ALDOC: variants seen among roughly 807,000 people sequenced by gnomAD.
ALDOC encodes fructose-bisphosphate aldolase C.
In ALDOC, 23 loss-of-function variants were observed where a neutral mutation model predicts 39.5. The observed-to-expected ratio is 0.58, with a 90% CI of 0.42 to 0.82. The LOEUF is 0.82. Ranked by LOEUF, ALDOC falls within the 40% of genes least tolerant of loss-of-function variation. The probability of loss-of-function intolerance (pLI) is 0.00; values close to 1 mark genes in which losing one functional copy is unlikely to be tolerated. For missense variants in ALDOC, 356 were observed against 479.1 expected (o/e 0.74, Z 2.40); for synonymous variants, 160 against 182.6 (o/e 0.88, Z 1.00).
At chr17:28,576,090 G>C (rs2070486404) in intron 1 of ALDOC, 1 of 780,830 alleles carries the variant, frequency 1.3e-6, no homozygotes, top group South Asian at 5.5e-5. Flanking sequence ...GGCTCCTGCA[G>C]CTTCTCCTTT....
Position 28,575,217 on chromosome 17 carries a change from A to T in ALDOC, c.230T>A (p.Val77Asp), listed in dbSNP as rs2070473191. 6.2e-7 allele frequency: 1 copy of T among 1,614,072 alleles called. No individual in the cohort carries two copies. The highest frequency in any genetic ancestry group is 8.5e-7 in the Non-Finnish European group (1 of 1,180,026). Reference protein sequence around the residue: ...DDRVKKCIGGVIFFHETLYQK... With the variant: ...DDRVKKCIGGDIFFHETLYQK... ...GTAGAGGGTCTCATGGAAGAAAATG[A>T]CGCCTCCAATGCACTTTTTCACACG... is the stretch of plus-strand genomic sequence containing the variant. The change falls in exon 3 of 9, where the codon GTC (valine) becomes GAC (aspartate). Residue 77 changes from valine to aspartate, a missense_variant. By Grantham distance (152) the Val-to-Asp change is radical. Coordinates refer to ENST00000226253, the MANE Select transcript of ALDOC (RefSeq NM_005165.3). The surrounding 1 kb of genome is among the most constrained non-coding windows in gnomAD (Gnocchi z 4.3).
Position 28,573,789 on chromosome 17 carries a change from T to C in ALDOC, c.945A>G (p.Arg315=). The part of the protein sequence containing the change: ...ALQASALNAW[R]GQRDNAGAAT... ...CAGCCCCAGCATTGTCCCGTTGCCCTCGCCAGGCATTGAGTGCAGAGGCTT... is the reference window on the plus strand; with the variant it reads ...CAGCCCCAGCATTGTCCCGTTGCCCCCGCCAGGCATTGAGTGCAGAGGCTT... The change falls in exon 8 of 9, where the codon CGA becomes CGG. Residue 315 remains arginine (R), a synonymous_variant. Transcript: ENST00000226253. The surrounding 1 kb of genome is among the most constrained non-coding windows in gnomAD (Gnocchi z 4.3). 6.2e-7 allele frequency: 1 copy of C among 1,614,166 alleles called. No homozygotes were observed. Among genetic ancestry groups the C allele is most frequent in the South Asian group, 1.1e-5 (1 of 91,090 alleles).
chr17:28,574,306 C>T, intron 6 of ALDOC, 65 bp from the exon 7 acceptor site: 2 of 1,522,622 alleles, frequency 1.3e-6, no homozygotes, highest in South Asian at 1.2e-5. Context: ...CTCGATGCTC[C>T]CTATGTAGGG....
chr17:28,573,447 G>A lies in ALDOC; in HGVS notation c.*79C>T. ...GGTGAAGGCATCTCTGCTCTGCATA[G>A]CTATTTGGCCCTGGCCATGACTACA... On this transcript the variant is annotated 3_prime_UTR_variant, in exon 9 of 9. Transcript: ENST00000226253. The surrounding 1 kb of genome is among the most constrained non-coding windows in gnomAD (Gnocchi z 4.3). 7.7e-7 allele frequency: 1 copy of A among 1,291,674 alleles called. No homozygotes were observed. Among genetic ancestry groups the A allele is most frequent in the Non-Finnish European group, 1.1e-6 (1 of 886,922 alleles). 80.0% of individuals were successfully genotyped at this position (1,291,674 alleles called of 1,614,324 possible).
Position 28,573,972 on chromosome 17 carries a change from C to T in ALDOC, c.800-38G>A. 6.2e-7 allele frequency: 1 copy of T among 1,612,850 alleles called. No individual in the cohort carries two copies. Among genetic ancestry groups the T allele is most frequent in the Non-Finnish European group, 8.5e-7 (1 of 1,179,134 alleles). ...AGAGAAGACAAACTGACTGGTCACTCCCAATTTTTCCAGGATAGGGAACCC... is the reference window on the plus strand; with the variant it reads ...AGAGAAGACAAACTGACTGGTCACTTCCAATTTTTCCAGGATAGGGAACCC... On this transcript the variant is annotated intron_variant, in intron 7 of 8. Transcript: ENST00000226253. The surrounding 1 kb of genome is among the most constrained non-coding windows in gnomAD (Gnocchi z 4.3).
At position 28,575,058 on chromosome 17, in the gene ALDOC, T is replaced by C. The variant is rs2070470455; in HGVS notation, c.325-52A>G. The stretch of plus-strand genomic sequence containing the variant: ...TGAATCCAGGCAGGATTCTCCTTGC[T>C]ACCCCTCCTACACAAGCTTATTTTC... On this transcript the variant is annotated intron_variant, in intron 3 of 8. Coordinates refer to ENST00000226253, the MANE Select transcript of ALDOC (RefSeq NM_005165.3). This position sits in a 1 kb window ranked among gnomAD's most constrained non-coding sequence, Gnocchi z 4.3. The C allele has an allele frequency of 6.2e-7, 1 of 1,614,122 alleles. No homozygotes were observed. Among genetic ancestry groups the C allele is most frequent in the Admixed American group, 1.7e-5 (1 of 60,032 alleles).
chr17:28,573,574 A>T lies in ALDOC; in HGVS notation c.1047T>A (p.Asp349Glu). ...AGAGTGACTGTGCTGCTGCTCCACC[A>T]TCTTCTCCACTGCCTTCATACTTGC... is the stretch of plus-strand genomic sequence containing the variant. ...AQGKYEGSGE[D>E]GGAAAQSLYI... Residue 349 changes from aspartate to glutamate, a missense_variant, in exon 9 of 9, where the codon GAT (aspartate) becomes GAA (glutamate). By Grantham distance (45) the Asp-to-Glu change is conservative. Transcript: ENST00000226253. The surrounding 1 kb of genome is among the most constrained non-coding windows in gnomAD (Gnocchi z 4.3). The T allele has an allele frequency of 6.2e-7, 1 of 1,614,244 alleles. No individual in the cohort carries two copies. The highest frequency in any genetic ancestry group is 8.5e-7 in the Non-Finnish European group (1 of 1,180,036).
Position 28,573,796 on chromosome 17 carries a change from G to T in ALDOC, c.938C>A (p.Ala313Asp). ...GRALQASALN[A>D]WRGQRDNAGA... ...AGCATTGTCCCGTTGCCCTCGCCAG[G>T]CATTGAGTGCAGAGGCTTGCAGGGC... The change falls in exon 8 of 9, where the codon GCC (alanine) becomes GAC (aspartate). Residue 313 changes from alanine (A) to aspartate (D), a missense_variant. Physicochemically the swap from Ala to Asp is moderately radical, Grantham distance 126. Transcript: ENST00000226253. This position sits in a 1 kb window ranked among gnomAD's most constrained non-coding sequence, Gnocchi z 4.3. 6.2e-7 allele frequency: 1 copy of T among 1,614,232 alleles called. No individual in the cohort carries two copies. Among genetic ancestry groups the T allele is most frequent in the Non-Finnish European group, 8.5e-7 (1 of 1,180,042 alleles).
At position 28,575,502 on chromosome 17, in the gene ALDOC, C is replaced by T; in HGVS notation, c.31G>A (p.Glu11Lys). ...ATGTCAGACAACTCCTTCTTCTGCT[C>T]AGCAGAAAGGGCTGGGTACGAGTGA... Reference protein sequence around the residue: MPHSYPALSAEQKKELSDIAL... With the variant: MPHSYPALSAKQKKELSDIAL... The change falls in exon 2 of 9, where the codon GAG (glutamate) becomes AAG (lysine). Residue 11 changes from glutamate to lysine, a missense_variant. Coordinates refer to ENST00000226253, the MANE Select transcript of ALDOC (RefSeq NM_005165.3). The surrounding 1 kb of genome is among the most constrained non-coding windows in gnomAD (Gnocchi z 4.3). The T allele has an allele frequency of 2.5e-6, 4 of 1,614,216 alleles. No homozygotes were observed. The highest frequency in any genetic ancestry group is 2.2e-5 in the South Asian group (2 of 91,084).
rs780510976 is a variant in ALDOC at position 28,573,640 on chromosome 17, A to T, written c.1000-19T>A. Reference sequence around the variant, plus strand: ...CATTCACCTGCAAAAGGGAGCGTGGAGTAAGCAGGCTGAGCCAGCCCACAG... The same window carrying T: ...CATTCACCTGCAAAAGGGAGCGTGGTGTAAGCAGGCTGAGCCAGCCCACAG... On this transcript the variant is annotated intron_variant, in intron 8 of 8. Transcript: ENST00000226253. The surrounding 1 kb of genome is among the most constrained non-coding windows in gnomAD (Gnocchi z 4.3). The T allele has an allele frequency of 6.2e-7, 1 of 1,614,116 alleles. No individual in the cohort carries two copies. Among genetic ancestry groups the T allele is most frequent in the Non-Finnish European group, 8.5e-7 (1 of 1,179,952 alleles).
Position 28,574,200 on chromosome 17 carries a change from T to A in ALDOC, c.666A>T (p.Val222=), listed in dbSNP as rs575831680. ...AVYKALSDHH[V]YLEGTLLKPN... ...GCTTGAGCAGGGTCCCCTCCAGGTATACATGATGGTCACTCAGGGCCTTGT... is the reference window on the plus strand; with the variant it reads ...GCTTGAGCAGGGTCCCCTCCAGGTAAACATGATGGTCACTCAGGGCCTTGT... The change falls in exon 7 of 9, where the codon GTA becomes GTT. Residue 222 remains valine (V), a synonymous_variant. Transcript: ENST00000226253. 6.2e-7 allele frequency: 1 copy of A among 1,606,906 alleles called. No homozygotes were observed. Among genetic ancestry groups the A allele is most frequent in the East Asian group, 2.2e-5 (1 of 44,868 alleles).
rs1160896683 is a variant in ALDOC at position 28,573,275 on chromosome 17, AG to A, written c.*250del. On this transcript the variant is annotated 3_prime_UTR_variant, in exon 9 of 9. Transcript: ENST00000226253. The surrounding 1 kb of genome is among the most constrained non-coding windows in gnomAD (Gnocchi z 4.3). The stretch of plus-strand genomic sequence containing the variant: ...GAAAATTGTGGGAGCTGGAAGAGGT[AG>A]GGGGAGACCCAGCCATCCTGTTCTG... 4 of 555,568 alleles carry A rather than the reference AG, an allele frequency of 7.2e-6. No individual in the cohort carries two copies. The highest frequency in any genetic ancestry group is 1.3e-5 in the Non-Finnish European group (4 of 308,724). 34.4% of individuals were successfully genotyped at this position (555,568 alleles called of 1,614,324 possible). A position where few individuals can be genotyped will look rare whatever the true frequency, so the allele number is the denominator to read the frequency against.
At position 28,574,692 on chromosome 17, in the gene ALDOC, A is replaced by G; in HGVS notation, c.540+4T>C. The G allele has an allele frequency of 6.2e-7, 1 of 1,614,100 alleles. No individual in the cohort carries two copies. Among genetic ancestry groups the G allele is most frequent in the Non-Finnish European group, 8.5e-7 (1 of 1,180,002 alleles). On this transcript the variant is annotated splice_donor_region_variant and intron_variant, in intron 5 of 8. Transcript: ENST00000226253. ...CTAGCTCACCACCCTCCCAACACAC[A>G]CACCTGCTGGCAGATACTGGCATAA...
At position 28,573,215 on chromosome 17, in the gene ALDOC, G is replaced by T; in HGVS notation, c.*311C>A. On this transcript the variant is annotated 3_prime_UTR_variant, in exon 9 of 9. Transcript: ENST00000226253. The surrounding 1 kb of genome is among the most constrained non-coding windows in gnomAD (Gnocchi z 4.3). Reference sequence around the variant, plus strand: ...TGATCCCAGGAGACAGGGCAGGCAAGAAGGAGAGCCCAGGGAGAAGCTACC... The same window carrying T: ...TGATCCCAGGAGACAGGGCAGGCAATAAGGAGAGCCCAGGGAGAAGCTACC... 1 of 487,672 alleles carries T rather than the reference G, an allele frequency of 2.1e-6. No homozygotes were observed. The highest frequency in any genetic ancestry group is 3.8e-6 in the Non-Finnish European group (1 of 266,446). 30.2% of individuals were successfully genotyped at this position (487,672 alleles called of 1,614,324 possible).
chr17:28,573,845 C>T lies in ALDOC; in HGVS notation c.889G>A (p.Ala297Thr), dbSNP rs2070455474. The change falls in exon 8 of 9, where the codon GCG becomes ACG. Residue 297 changes from alanine (A) to threonine (T), a missense_variant. Coordinates refer to ENST00000226253, the MANE Select transcript of ALDOC (RefSeq NM_005165.3). This position sits in a 1 kb window ranked among gnomAD's most constrained non-coding sequence, Gnocchi z 4.3. ...INRCPLPRPW[A>T]LTFSYGRALQ... is the part of the protein sequence containing the mutation. ...GCACGCCCATAGGAGAAGGTAAGCG[C>T]CCAGGGTCGGGGAAGGGGGCAGCGG... The T allele has an allele frequency of 3.7e-6, 6 of 1,614,222 alleles. No individual in the cohort carries two copies. The highest frequency in any genetic ancestry group is 5.1e-6 in the Non-Finnish European group (6 of 1,180,026).
chr17:28,573,458 C>T lies in ALDOC; in HGVS notation c.*68G>A. The T allele has an allele frequency of 4.1e-6, 6 of 1,469,188 alleles. No individual in the cohort carries two copies. The highest frequency in any genetic ancestry group is 4.8e-6 in the Non-Finnish European group (5 of 1,048,404). 91.0% of individuals were successfully genotyped at this position (1,469,188 alleles called of 1,614,324 possible). Reference sequence around the variant, plus strand: ...CTCTGCTCTGCATAGCTATTTGGCCCTGGCCATGACTACAAGCAAAAGTGG... The same window carrying T: ...CTCTGCTCTGCATAGCTATTTGGCCTTGGCCATGACTACAAGCAAAAGTGG... On this transcript the variant is annotated 3_prime_UTR_variant, in exon 9 of 9. Transcript: ENST00000226253. The surrounding 1 kb of genome is among the most constrained non-coding windows in gnomAD (Gnocchi z 4.3).
chr17:28,574,336 G>C lies in ALDOC; in HGVS notation c.625-95C>G, dbSNP rs2070461517. 5.5e-6 allele frequency: 8 copies of C among 1,451,472 alleles called. No individual in the cohort carries two copies. The Admixed American group carries it at 1.0e-4, about 19-fold the overall frequency. The allele number at this position is 1,451,472 out of a possible 1,614,324, so 89.9% of individuals were successfully genotyped here. On this transcript the variant is annotated intron_variant, in intron 6 of 8. Coordinates refer to ENST00000226253, the MANE Select transcript of ALDOC (RefSeq NM_005165.3). ...GTAGGGGTAGATGGGCACAGACTGT[G>C]AGGGCTCAGTACAGGCTCAGATCAC...
chr17:28,573,397 G>C lies in ALDOC; in HGVS notation c.*129C>G. On this transcript the variant is annotated 3_prime_UTR_variant, in exon 9 of 9. Coordinates refer to ENST00000226253, the MANE Select transcript of ALDOC (RefSeq NM_005165.3). This position sits in a 1 kb window ranked among gnomAD's most constrained non-coding sequence, Gnocchi z 4.3. ...AGCAATGAGAGAGGGGAAGGGAAGA[G>C]AGAAAGGAAGACAAGTTGGTGCCAG... 2 of 818,072 alleles carry C rather than the reference G, an allele frequency of 2.4e-6. No homozygotes were observed. The highest frequency in any genetic ancestry group is 4.9e-5 in the East Asian group (2 of 40,816). The allele number at this position is 818,072 out of a possible 1,614,324, so 50.7% of individuals were successfully genotyped here.
chr17:28,576,064 A>T (rs1237676398), intron 1 of ALDOC: 1 of 928,528 alleles, frequency 1.1e-6, no homozygotes. Context: ...TAGGAGTGGC[A>T]CAAATACCAG....
Sources: allele counts gnomAD v4.1 joint callset, GRCh38; gene constraint gnomAD v4.1.1; non-coding constraint Gnocchi (gnomAD v3.1); transcripts MANE v1.5; gene names NCBI Gene and HGNC (gene_info 2026-07-23, HGNC 2026-07-21).